The following CSRNP2 variants were observed in gnomAD, a reference collection of about 807,000 sequenced individuals.
CSRNP2 encodes cysteine and serine rich nuclear protein 2.
Under a neutral mutation model 36.6 loss-of-function variants are expected in CSRNP2, and 11 were observed. The ratio of observed to expected loss-of-function variants is 0.30; its 90% confidence interval spans 0.19 to 0.50. CSRNP2 has a LOEUF of 0.50. Among genes scored for constraint, CSRNP2 ranks in the 20% least tolerant of loss-of-function variants. The pLI, the probability that CSRNP2 is intolerant of heterozygous loss-of-function variation, is 0.98. For missense variants in CSRNP2, 483 were observed against 691.4 expected (o/e 0.70, Z 3.38); for synonymous variants, 248 against 275.3 (o/e 0.90, Z 0.98).
Position 51,067,577 on chromosome 12 carries a change from T to C in CSRNP2, c.708+96A>G. The C allele has an allele frequency of 8.3e-7, 1 of 1,203,794 alleles. No individual in the cohort carries two copies. Among genetic ancestry groups the C allele is most frequent in the East Asian group, 2.3e-5 (1 of 42,644 alleles). 74.6% of individuals were successfully genotyped at this position (1,203,794 alleles called of 1,614,324 possible). A position where few individuals can be genotyped will look rare whatever the true frequency, so the allele number is the denominator to read the frequency against. ...GGAGAGTGTTCACAACCATAGGGAA[T>C]CCACCCCTGAATGGGCCTCCCATGT... On this transcript the variant is annotated intron_variant, in intron 4 of 4. Transcript: ENST00000228515. This position sits in a 1 kb window ranked among gnomAD's most constrained non-coding sequence, Gnocchi z 4.1.
intron 1 of CSRNP2, chr12:51,082,912 C>A: frequency 6.5e-6 from 1 of 152,718 alleles, no homozygotes; most frequent in Non-Finnish European, 1.5e-5. Context: ...GCAGCCCCTA[C>A]CCAGCCTTCC....
In CSRNP2 at chr12:51,064,649, T is replaced by G. The variant is rs376930680; in HGVS notation, c.729A>C (p.Pro243=). The change falls in exon 5 of 5, where the codon CCA becomes CCC. Residue 243 remains proline, a synonymous_variant. Transcript: ENST00000228515. ...CACAGCCATCCCGGGAGCAGCCACA[T>G]GGAAAGGACATGCGATCCACCTGAG... The part of the protein sequence containing the change: ...IKCQVDRMSF[P]CGCSRDGCGN... 2 of 1,528,464 alleles carry G rather than the reference T, an allele frequency of 1.3e-6. No individual in the cohort carries two copies. Among genetic ancestry groups the G allele is most frequent in the South Asian group, 2.6e-5 (2 of 78,314 alleles). 94.7% of individuals were successfully genotyped at this position (1,528,464 alleles called of 1,614,324 possible). A position where few individuals can be genotyped will look rare whatever the true frequency, so the allele number is the denominator to read the frequency against.
At position 51,076,550 on chromosome 12, in the gene CSRNP2, G is replaced by A; in HGVS notation, c.12C>T (p.Phe4=). Reference sequence around the variant, plus strand: ...ACTTCCTCTTGAGACCCGAGCCCGTGAATGCATCCATTGGTTTCAAAGGGG... The same window carrying A: ...ACTTCCTCTTGAGACCCGAGCCCGTAAATGCATCCATTGGTTTCAAAGGGG... The part of the protein sequence containing the change: MDA[F]TGSGLKRKFD... Residue 4 remains phenylalanine, a synonymous_variant, in exon 2 of 5, where the codon TTC becomes TTT. Coordinates refer to ENST00000228515, the MANE Select transcript of CSRNP2 (RefSeq NM_030809.3). The A allele has an allele frequency of 6.2e-7, 1 of 1,614,070 alleles. No individual in the cohort carries two copies. The highest frequency in any genetic ancestry group is 8.5e-7 in the Non-Finnish European group (1 of 1,180,020).
At chr12:51,070,168 CG>C (rs1382987911) in intron 3 of CSRNP2, among the ~76,000 whole-genome samples, 5 of 152,132 alleles carry the variant, frequency 3.3e-5, no homozygotes, top group Non-Finnish European at 5.9e-5. Context: ...ATGAAAGCCA[CG>C]TGACTGGAGC....
intron 3 of CSRNP2, among the ~76,000 whole-genome samples, chr12:51,069,817 C>G (rs374835273): frequency 6.6e-6 from 1 of 151,688 alleles, no homozygotes; most frequent in African/African-American, 2.4e-5. Context: ...CTTAGCCTCC[C>G]GAGTAGTTGG....
rs1938530178 is a variant in CSRNP2 at position 51,067,555 on chromosome 12, G to A, written c.708+118C>T. 1.1e-6 allele frequency: 1 copy of A among 923,004 alleles called. No homozygotes were observed. The highest frequency in any genetic ancestry group is 1.6e-5 in the South Asian group (1 of 63,094). 57.2% of individuals were successfully genotyped at this position (923,004 alleles called of 1,614,324 possible). On this transcript the variant is annotated intron_variant, in intron 4 of 4. Coordinates refer to ENST00000228515, the MANE Select transcript of CSRNP2 (RefSeq NM_030809.3). The surrounding 1 kb of genome is among the most constrained non-coding windows in gnomAD (Gnocchi z 4.1). ...GACGGAGGAGGGTTGTGGAACTGGA[G>A]AGTGTTCACAACCATAGGGAATCCA...
intron 1 of CSRNP2, among the ~76,000 whole-genome samples, chr12:51,080,838 A>G (rs1939609889): frequency 6.6e-6 from 1 of 152,220 alleles, no homozygotes; most frequent in Non-Finnish European, 1.5e-5. Context: ...CTCGACTTTT[A>G]GATGAAGATG....
chr12:51,081,657 G>A (rs1939647826), intron 1 of CSRNP2, among the ~76,000 whole-genome samples: 3 of 152,218 alleles, frequency 2.0e-5, no homozygotes, highest in Admixed American at 1.3e-4. Flanking sequence ...CTTTTCTCAA[G>A]AGTTTCTAGC....
chr12:51,066,640 C>A (rs1174533319), intron 4 of CSRNP2, among the ~76,000 whole-genome samples: 48 of 145,358 alleles, frequency 3.3e-4, no homozygotes, highest in Non-Finnish European at 2.9e-4. Flanking sequence ...GACTCCGTCT[C>A]AAAAAAAAAA....
intron 1 of CSRNP2, among the ~76,000 whole-genome samples, chr12:51,078,692 G>A (rs941318459): frequency 6.6e-6 from 1 of 152,224 alleles, no homozygotes; most frequent in Non-Finnish European, 1.5e-5. Context: ...ACACCAGTTA[G>A]AATGGCGATC....
chr12:51,078,093 A>G (rs544828722), intron 1 of CSRNP2, among the ~76,000 whole-genome samples: 1 of 152,238 alleles, frequency 6.6e-6, no homozygotes, highest in Non-Finnish European at 1.5e-5. Context: ...TGCAGCAGGA[A>G]TAACAACACT....
chr12:51,069,694 T>C (rs1592756256), intron 3 of CSRNP2, among the ~76,000 whole-genome samples: 1 of 148,594 alleles, frequency 6.7e-6, no homozygotes, highest in Admixed American at 6.6e-5. Flanking sequence ...TTTTTTTTCT[T>C]TTTTTTCTTT....
Position 51,073,754 on chromosome 12 carries a change from A to T in CSRNP2, c.411+69T>A, listed in dbSNP as rs1182065018. 5 of 1,469,672 alleles carry T rather than the reference A, an allele frequency of 3.4e-6. No individual in the cohort carries two copies. The African/African-American group carries it at 7.1e-5, about 21-fold the overall frequency. The allele number at this position is 1,469,672 out of a possible 1,614,324, so 91.0% of individuals were successfully genotyped here. On this transcript the variant is annotated intron_variant, in intron 3 of 4. Coordinates refer to ENST00000228515, the MANE Select transcript of CSRNP2 (RefSeq NM_030809.3). Reference sequence around the variant, plus strand: ...AAAAAAAAAAAAAAAAAAATCAATCAACCAACCAACCAATGAACCTAAATG... The same window carrying T: ...AAAAAAAAAAAAAAAAAAATCAATCTACCAACCAACCAATGAACCTAAATG...
rs150879045 is a variant in CSRNP2, at chr12:51,063,891, T to C, written c.1487A>G (p.Asn496Ser). The change falls in exon 5 of 5, where the codon AAT becomes AGT. Residue 496 changes from asparagine (N) to serine (S), a missense_variant. By Grantham distance (46) the Asn-to-Ser change is conservative. Transcript: ENST00000228515. ...PEDCNPEEPE[N>S]EDFHPSWSPS... ...GGACCAGGAAGGGTGGAAGTCTTCA[T>C]TTTCAGGCTCCTCAGGGTTACAATC... 1.2e-6 allele frequency: 2 copies of C among 1,613,978 alleles called. No homozygotes were observed. Among genetic ancestry groups the C allele is most frequent in the African/African-American group, 2.7e-5 (2 of 74,908 alleles).
At chr12:51,065,899 T>G (rs1279619160) in intron 4 of CSRNP2, among the ~76,000 whole-genome samples, 1 of 152,170 alleles carries the variant, frequency 6.6e-6, no homozygotes, top group African/African-American at 2.4e-5. Context: ...AAGAGTGAGT[T>G]AGGAGAAATC....
chr12:51,063,651 G>T lies in CSRNP2; in HGVS notation c.*95C>A. The T allele has an allele frequency of 2.1e-6, 2 of 958,842 alleles. No homozygotes were observed. Among genetic ancestry groups the T allele is most frequent in the Non-Finnish European group, 3.0e-6 (2 of 668,006 alleles). The allele number at this position is 958,842 out of a possible 1,614,324, so 59.4% of individuals were successfully genotyped here. A position where few individuals can be genotyped will look rare whatever the true frequency, so the allele number is the denominator to read the frequency against. Reference sequence around the variant, plus strand: ...AAGACCCCAATAAAATAACATGGGAGCAGCAGCTGCTTCTACAGTTTTGTT... The same window carrying T: ...AAGACCCCAATAAAATAACATGGGATCAGCAGCTGCTTCTACAGTTTTGTT... On this transcript the variant is annotated 3_prime_UTR_variant, in exon 5 of 5. Transcript: ENST00000228515.
chr12:51,066,836 T>C (rs1938428352), intron 4 of CSRNP2, among the ~76,000 whole-genome samples: 1 of 152,150 alleles, frequency 6.6e-6, no homozygotes, highest in Admixed American at 6.5e-5. Flanking sequence ...ATTCCTCTGC[T>C]AACTTTTTGA....
chr12:51,065,587 T>C (rs1450159334), intron 4 of CSRNP2, among the ~76,000 whole-genome samples: 1 of 151,992 alleles, frequency 6.6e-6, no homozygotes, highest in African/African-American at 2.4e-5. Context: ...CCTGGAGCCA[T>C]GCTGGGATTA....
rs1465365651 is a variant in CSRNP2 at position 51,064,333 on chromosome 12, G to C, written c.1045C>G (p.Leu349Val). The change falls in exon 5 of 5, where the codon CTG becomes GTG. Residue 349 changes from leucine (L) to valine (V), a missense_variant. Physicochemically the swap from Leu to Val is conservative, Grantham distance 32. Transcript: ENST00000228515. ...EEDSSGSSAS[L>V]DSSIESLGVC... is the part of the protein sequence containing the mutation. ...CCCAGGCTCTCGATGCTCGAGTCCA[G>C]GCTGGCACTAGAGCCGCTGGAATCT... The C allele has an allele frequency of 6.2e-7, 1 of 1,614,056 alleles. No homozygotes were observed. The highest frequency in any genetic ancestry group is 8.5e-7 in the Non-Finnish European group (1 of 1,180,034).
Sources: allele counts gnomAD v4.1 joint callset (sites outside exome capture counted in the v4.1 genomes callset), GRCh38; gene constraint gnomAD v4.1.1; non-coding constraint Gnocchi (gnomAD v3.1); transcripts MANE v1.5; gene names NCBI Gene and HGNC (gene_info 2026-07-23, HGNC 2026-07-21).